The following COL21A1 variants were observed in gnomAD, a reference collection of about 807,000 sequenced individuals.
COL21A1 encodes collagen alpha-1(XXI) chain.
Under a neutral mutation model 137.9 loss-of-function variants are expected in COL21A1, and 149 were observed. The observed-to-expected ratio is 1.08, with a 90% CI of 0.95 to 1.24. COL21A1 has a LOEUF of 1.24. Among genes scored for constraint, COL21A1 ranks in the 50% most tolerant of loss-of-function variants. The probability of loss-of-function intolerance (pLI) is 0.00; values close to 1 mark genes in which losing one functional copy is unlikely to be tolerated. For synonymous variants in COL21A1, 456 were observed against 391.5 expected, an observed-to-expected ratio of 1.16 and a Z score of -1.95; for missense variants, 1,167 against 1,158.4, an observed-to-expected ratio of 1.01 and a Z score of -0.11.
intron 16 of COL21A1, among the ~76,000 whole-genome samples, chr6:56,116,822 G>A (rs1294470992): frequency 6.6e-6 from 1 of 151,874 alleles, no homozygotes; most frequent in South Asian, 2.1e-4. Context: ...CAAAGTTAAG[G>A]CAAGTTTTTA....
At chr6:56,367,826 C>T (rs1420555844) in intron 1 of COL21A1, among the ~76,000 whole-genome samples, 3 of 152,122 alleles carry the variant, frequency 2.0e-5, no homozygotes, top group Non-Finnish European at 2.9e-5. Flanking sequence ...GAGATCCTCC[C>T]GCCTCAGCCT....
At position 56,131,464 on chromosome 6, in the gene COL21A1, A is replaced by T. The variant is rs142361285; in HGVS notation, c.1543-5315T>A. 8.0e-4 allele frequency among the ~76,000 whole-genome samples: 122 copies of T among 151,950 alleles called. 2 individuals are homozygous for T. In the East Asian group the frequency reaches 0.022, roughly 28 times the overall value. ...AGATACAATTGTTTTTCTCATCTCT[A>T]ATGTAATGGTGAATGCTTTTAAAAA... On this transcript the variant is annotated intron_variant, in intron 12 of 29. Coordinates refer to ENST00000244728, the MANE Select transcript of COL21A1 (RefSeq NM_030820.4).
chr6:56,174,295 G>A (rs1777287530), intron 3 of COL21A1, among the ~76,000 whole-genome samples: 1 of 151,740 alleles, frequency 6.6e-6, no homozygotes, highest in Admixed American at 6.6e-5. Flanking sequence ...GACAAACTAA[G>A]CCCGAAGTTA....
At chr6:56,125,264 C>A (rs1321180633) in intron 14 of COL21A1, 3 of 176,810 alleles carry the variant, frequency 1.7e-5, no homozygotes, top group Non-Finnish European at 3.5e-5. Context: ...CATCATCCAC[C>A]CCCCTCGGCC....
intron 1 of COL21A1, among the ~76,000 whole-genome samples, chr6:56,336,015 A>G (rs1404238716): frequency 1.3e-5 from 2 of 152,232 alleles, no homozygotes; most frequent in East Asian, 1.9e-4. Flanking sequence ...AATGAGGACA[A>G]CAGACAAGGC....
At position 56,179,768 on chromosome 6, in the gene COL21A1, G is replaced by A. The variant is rs374063014; in HGVS notation, c.450C>T (p.Asp150=). The A allele has an allele frequency of 2.3e-4, 369 of 1,613,830 alleles. 1 individual carries two copies. The highest frequency in any genetic ancestry group is 3.5e-4 in the South Asian group (32 of 91,070). ...TTGCTGCTTGAGCTGCATCCTTGAC[G>A]TCATCTTGGGATTTGCCATCCGTAA... is the stretch of plus-strand genomic sequence containing the variant. ...VVLTDGKSQD[D]VKDAAQAARD... is the part of the protein sequence containing the mutation. Residue 150 remains aspartate (D), a synonymous_variant, in exon 3 of 30, where the codon GAC becomes GAT. Transcript: ENST00000244728.
At chr6:56,115,958 G>A (rs888459994) in intron 16 of COL21A1, among the ~76,000 whole-genome samples, 2 of 151,920 alleles carry the variant, frequency 1.3e-5, no homozygotes, top group African/African-American at 2.4e-5. Context: ...CTTGAAGATA[G>A]ACTTTGGAAA....
At chr6:56,119,611 G>C (rs532897931) in intron 16 of COL21A1, among the ~76,000 whole-genome samples, 1 of 152,106 alleles carries the variant, frequency 6.6e-6, no homozygotes, top group East Asian at 1.9e-4. Flanking sequence ...GCTATCCTAA[G>C]CATAAGGAAT....
In COL21A1 at chr6:56,070,799, C is replaced by A; in HGVS notation, c.1966-1G>T. 1 of 1,595,476 alleles carries A rather than the reference C, an allele frequency of 6.3e-7. No individual in the cohort carries two copies. The highest frequency in any genetic ancestry group is 2.3e-5 in the East Asian group (1 of 44,170). On this transcript the variant is annotated splice_acceptor_variant, in intron 20 of 29. Coordinates refer to ENST00000244728, the MANE Select transcript of COL21A1 (RefSeq NM_030820.4). LOFTEE classifies it high-confidence loss of function. ...GAATTCCAGGTTCACCTTTGCTTCC[C>A]TGTCAACACATCAAAAACATTGGAG...
chr6:56,275,840 G>A (rs1343820310), intron 1 of COL21A1, among the ~76,000 whole-genome samples: 1 of 152,132 alleles, frequency 6.6e-6, no homozygotes, highest in Non-Finnish European at 1.5e-5. Context: ...TTAAAACAGA[G>A]CTACCATTTG....
In COL21A1 at chr6:56,098,604, T is replaced by A. The variant is rs1183677195; in HGVS notation, c.1812+2868A>T. Among the ~76,000 whole-genome samples the A allele has an allele frequency of 5.8e-4, 7 of 12,082 alleles. 2 individuals are homozygous for A. Among genetic ancestry groups the A allele is most frequent in the African/African-American group, 9.4e-4 (2 of 2,136 alleles). The allele number at this position is 12,082 out of a possible 152,430, so 7.9% of individuals were successfully genotyped here. A position where few individuals can be genotyped will look rare whatever the true frequency, so the allele number is the denominator to read the frequency against. On this transcript the variant is annotated intron_variant, in intron 17 of 29. Transcript: ENST00000244728. Reference sequence around the variant, plus strand: ...ATATATAAATATATAAATATATATATAAATATATATAAATATATATAAATA... The same window carrying A: ...ATATATAAATATATAAATATATATAAAAATATATATAAATATATATAAATA...
chr6:56,112,036 G>T (rs1004976329), intron 16 of COL21A1, among the ~76,000 whole-genome samples: 1 of 151,792 alleles, frequency 6.6e-6, no homozygotes, highest in Non-Finnish European at 1.5e-5. Flanking sequence ...ACAATTTCAA[G>T]GTTTATTTTA....
At chr6:56,274,611 C>A (rs967454161) in intron 1 of COL21A1, among the ~76,000 whole-genome samples, 1 of 151,864 alleles carries the variant, frequency 6.6e-6, no homozygotes, top group South Asian at 2.1e-4. Flanking sequence ...ACATCATTTA[C>A]AATAGCTACA....
intron 16 of COL21A1, among the ~76,000 whole-genome samples, chr6:56,120,750 T>C (rs1473091336): frequency 6.7e-6 from 1 of 149,374 alleles, no homozygotes; most frequent in Non-Finnish European, 1.5e-5. Flanking sequence ...GCTGAGATCA[T>C]GCCATTGCAC....
intron 1 of COL21A1, among the ~76,000 whole-genome samples, chr6:56,236,670 C>A (rs10484708): frequency 0.073 from 11,108 of 152,038 alleles, 450 homozygotes; most frequent in Middle Eastern, 0.12. Flanking sequence ...CCATATGGAA[C>A]TCAATTAAAC....
intron 1 of COL21A1, among the ~76,000 whole-genome samples, chr6:56,244,420 A>T (rs1473240821): frequency 6.6e-6 from 1 of 152,098 alleles, no homozygotes; most frequent in East Asian, 1.9e-4. Flanking sequence ...CATTTTTCCC[A>T]ACAACAGGTA....
chr6:56,336,577 T>C (rs540936233), intron 1 of COL21A1, among the ~76,000 whole-genome samples: 3 of 152,334 alleles, frequency 2.0e-5, no homozygotes, highest in South Asian at 2.1e-4. Context: ...GATTAACTAT[T>C]TTTCCCTGCA....
intron 12 of COL21A1, among the ~76,000 whole-genome samples, chr6:56,138,346 T>A (rs909009942): frequency 6.7e-6 from 1 of 150,226 alleles, no homozygotes; most frequent in Non-Finnish European, 1.5e-5. Flanking sequence ...TACATTTATA[T>A]CCATATATGT....
In COL21A1 at chr6:56,222,208, G is replaced by T. The variant is rs550020849; in HGVS notation, c.-39+25179C>A. Among the ~76,000 whole-genome samples the T allele has an allele frequency of 1.6e-3, 241 of 152,240 alleles. 1 individual carries two copies. Among genetic ancestry groups the T allele is most frequent in the Non-Finnish European group, 2.8e-3 (189 of 68,000 alleles). ...GAATCACTTGAACCCAGGAGGTGGA[G>T]GTTGCAGTGAGCCGAGATCGTGCTA... On this transcript the variant is annotated intron_variant, in intron 1 of 29. Coordinates refer to ENST00000244728, the MANE Select transcript of COL21A1 (RefSeq NM_030820.4).
Sources: gnomAD v4.1 joint callset for allele counts (sites outside exome capture counted in the v4.1 genomes callset) on GRCh38, gnomAD v4.1.1 for gene constraint, MANE v1.5 for transcripts, NCBI Gene and HGNC (gene_info 2026-07-23, HGNC 2026-07-21) for gene names.